Variants in IQANK1 observed in about 807,000 individuals in gnomAD.
IQANK1 encodes the protein IQ motif and ankyrin repeat domain-containing protein 1.
In IQANK1, 30 loss-of-function variants were observed where a neutral mutation model predicts 22.6. The observed-to-expected ratio is 1.33, with a 90% CI of 0.99 to 1.80. The LOEUF is 1.80. Ranked by LOEUF, IQANK1 falls within the 40% of genes most tolerant of loss-of-function variation. IQANK1 has a pLI of 0.00. For missense variants in IQANK1, 275 were observed against 235.2 expected (o/e 1.17, Z -1.11); for synonymous variants, 122 against 99.6 (o/e 1.23, Z -1.34).
chr8:143,738,993 G>T (rs1818821540), intron 2 of IQANK1, among the ~76,000 whole-genome samples: 1 of 152,204 alleles, frequency 6.6e-6, no homozygotes, highest in African/African-American at 2.4e-5. Context: ...GCGGCTGGCT[G>T]GAGAGACTGG....
At chr8:143,738,321 G>C (rs1818798408) in intron 2 of IQANK1, among the ~76,000 whole-genome samples, 1 of 152,222 alleles carries the variant, frequency 6.6e-6, no homozygotes, top group African/African-American at 2.4e-5. Flanking sequence ...CCAGCTCAGA[G>C]GGCGTCCCTG....
At chr8:143,762,891 T>C (rs1342149499) in intron 3 of IQANK1, among the ~76,000 whole-genome samples, 1 of 152,180 alleles carries the variant, frequency 6.6e-6, no homozygotes, top group African/African-American at 2.4e-5. Context: ...GATGCTGTGT[T>C]TTCTCTGACA....
At chr8:143,781,763 T>C (rs2129939523) in intron 7 of IQANK1, among the ~76,000 whole-genome samples, 1 of 152,348 alleles carries the variant, frequency 6.6e-6, no homozygotes, top group South Asian at 2.1e-4. Context: ...CCTGCAGCTT[T>C]GTTCTTTTTG....
At position 143,786,266 on chromosome 8, in the gene IQANK1, C is replaced by T. The variant is rs117906407; in HGVS notation, c.790-2649C>T. On this transcript the variant is annotated intron_variant, in intron 7 of 13. Coordinates refer to ENST00000527139, the MANE Select transcript of IQANK1 (RefSeq NM_001381874.1). ...TTTTGCCATGTATTGGGGGTACCAG[C>T]GGTCTGGAGTCACTTCACCAACTTC... is the stretch of plus-strand genomic sequence containing the variant. 8.3e-3 allele frequency among the ~76,000 whole-genome samples: 1,262 copies of T among 152,278 alleles called. 8 individuals are homozygous for T. The highest frequency in any genetic ancestry group is 0.012 in the Non-Finnish European group (830 of 68,032).
chr8:143,785,133 T>C (rs1554631215), intron 7 of IQANK1, among the ~76,000 whole-genome samples: 1 of 152,204 alleles, frequency 6.6e-6, no homozygotes, highest in African/African-American at 2.4e-5. Flanking sequence ...AATATAGTTA[T>C]TTGAAAATCT....
Position 143,739,883 on chromosome 8 carries a change from C to T in IQANK1, c.110C>T (p.Pro37Leu), listed in dbSNP as rs1554626202. The T allele has an allele frequency of 2.9e-6, 2 of 696,696 alleles. No individual in the cohort carries two copies. Among genetic ancestry groups the T allele is most frequent in the Non-Finnish European group, 5.2e-6 (2 of 382,460 alleles). 43.2% of individuals were successfully genotyped at this position (696,696 alleles called of 1,614,324 possible). ...GGGAAGCCCGGGGAGAACCGCCCGC[C>T]GCAGAGGAAAGCGGGCTGGCAGGCG... ...AAGKPGENRP[P>L]QRKAGWQARE... The change falls in exon 3 of 14, where the codon CCG (proline) becomes CTG (leucine). Residue 37 changes from proline to leucine, a missense_variant. Transcript: ENST00000527139.
In IQANK1 at chr8:143,771,016, C is replaced by A. The variant is rs1554629687; in HGVS notation, c.176-472C>A. On this transcript the variant is annotated intron_variant, in intron 3 of 13. Coordinates refer to ENST00000527139, the MANE Select transcript of IQANK1 (RefSeq NM_001381874.1). The surrounding 1 kb of genome is among the most constrained non-coding windows in gnomAD (Gnocchi z 6.0). Reference sequence around the variant, plus strand: ...CGAGGCCGAGCCGGAGAGGACAGAGCTCCCTCTGGGGCCCTGGGCTCCGCG... The same window carrying A: ...CGAGGCCGAGCCGGAGAGGACAGAGATCCCTCTGGGGCCCTGGGCTCCGCG... Among the ~76,000 whole-genome samples, 1 of 152,200 alleles carries A rather than the reference C, an allele frequency of 6.6e-6. No homozygotes were observed. Among genetic ancestry groups the A allele is most frequent in the East Asian group, 1.9e-4 (1 of 5,174 alleles).
At chr8:143,748,990 A>AATATATATCATAAATATATATC (rs1819119491) in intron 3 of IQANK1, among the ~76,000 whole-genome samples, 1 of 72,186 alleles carries the variant, frequency 1.4e-5, no homozygotes, top group Admixed American at 1.7e-4. Flanking sequence ...ATCATATATA[A>AATATATATCATAAATATATATC]ATATATATCA....
At chr8:143,734,474 G>A (rs1818667744) in intron 1 of IQANK1, among the ~76,000 whole-genome samples, 1 of 147,022 alleles carries the variant, frequency 6.8e-6, no homozygotes, top group South Asian at 2.1e-4. Flanking sequence ...GGACTCTGCC[G>A]CAGTGACCCC....
chr8:143,748,965 A>G (rs1563770597), intron 3 of IQANK1, among the ~76,000 whole-genome samples: 1 of 116,228 alleles, frequency 8.6e-6, no homozygotes, highest in African/African-American at 3.5e-5. Context: ...ATAAATATAT[A>G]TCATATATAA....
intron 3 of IQANK1, among the ~76,000 whole-genome samples, chr8:143,756,088 T>C (rs1390181704): frequency 8.5e-5 from 13 of 152,218 alleles, no homozygotes; most frequent in Admixed American, 7.9e-4. Context: ...TTTGCAAAGG[T>C]GCACAACATC....
chr8:143,734,887 C>G (rs1290431967), intron 1 of IQANK1, among the ~76,000 whole-genome samples: 9 of 151,338 alleles, frequency 5.9e-5, no homozygotes, highest in Non-Finnish European at 1.2e-4. Flanking sequence ...GTGCTCCAGT[C>G]CCCCAGGTCC....
intron 3 of IQANK1, among the ~76,000 whole-genome samples, chr8:143,754,633 A>AT (rs534474103): frequency 3.3e-4 from 50 of 150,594 alleles, no homozygotes; most frequent in South Asian, 3.0e-3. Flanking sequence ...TTTTATTATT[A>AT]TTTTTTTTTT....
chr8:143,782,113 T>C (rs1819806377), intron 7 of IQANK1, among the ~76,000 whole-genome samples: 1 of 152,234 alleles, frequency 6.6e-6, no homozygotes, highest in Non-Finnish European at 1.5e-5. Context: ...GGCATTCGGC[T>C]TGGCTGTTGC....
chr8:143,781,540 G>T (rs188943128), intron 7 of IQANK1, among the ~76,000 whole-genome samples: 1 of 152,240 alleles, frequency 6.6e-6, no homozygotes, highest in East Asian at 1.9e-4. Context: ...TTCTGCATAT[G>T]GCTAGCCAGT....
At chr8:143,747,851 G>A (rs1200797189) in intron 3 of IQANK1, among the ~76,000 whole-genome samples, 1 of 151,850 alleles carries the variant, frequency 6.6e-6, no homozygotes, top group Non-Finnish European at 1.5e-5. Flanking sequence ...GAATGTATAT[G>A]CTATTATTGG....
rs1554626202 is a variant in IQANK1 at position 143,739,883 on chromosome 8, C to A, written c.110C>A (p.Pro37Gln). ...AAGKPGENRPPQRKAGWQARE... is the reference protein window; with the variant it reads ...AAGKPGENRPQQRKAGWQARE... ...GGGAAGCCCGGGGAGAACCGCCCGCCGCAGAGGAAAGCGGGCTGGCAGGCG... is the reference window on the plus strand; with the variant it reads ...GGGAAGCCCGGGGAGAACCGCCCGCAGCAGAGGAAAGCGGGCTGGCAGGCG... The change falls in exon 3 of 14, where the codon CCG (proline) becomes CAG (glutamine). Residue 37 changes from proline (P) to glutamine (Q), a missense_variant. Coordinates refer to ENST00000527139, the MANE Select transcript of IQANK1 (RefSeq NM_001381874.1). 4 of 696,578 alleles carry A rather than the reference C, an allele frequency of 5.7e-6. No homozygotes were observed. Among genetic ancestry groups the A allele is most frequent in the Admixed American group, 2.0e-5 (1 of 49,192 alleles). The allele number at this position is 696,578 out of a possible 1,614,324, so 43.1% of individuals were successfully genotyped here. A position where few individuals can be genotyped will look rare whatever the true frequency, so the allele number is the denominator to read the frequency against.
intron 3 of IQANK1, chr8:143,743,743 G>A (rs782324784): frequency 3.0e-6 from 1 of 331,800 alleles, no homozygotes; most frequent in Non-Finnish European, 5.9e-6. Context: ...AAATGATTTT[G>A]TTGTGTGAAT....
chr8:143,775,494 C>T (rs1358940007), intron 7 of IQANK1, among the ~76,000 whole-genome samples: 1 of 151,996 alleles, frequency 6.6e-6, no homozygotes, highest in Non-Finnish European at 1.5e-5. Flanking sequence ...GGCGGGGTGG[C>T]TCACACCTGT....
Sources: allele counts gnomAD v4.1 joint callset (sites outside exome capture counted in the v4.1 genomes callset), GRCh38; gene constraint gnomAD v4.1.1; non-coding constraint Gnocchi (gnomAD v3.1); transcripts MANE v1.5; gene names NCBI Gene and HGNC (gene_info 2026-07-23, HGNC 2026-07-21).